Variants in MRPL28 observed in about 807,000 individuals in gnomAD.
MRPL28 encodes large ribosomal subunit protein bL28m.
A neutral mutation model predicts 26.2 loss-of-function variants in MRPL28; 25 were observed. That is an observed-to-expected ratio of 0.95 (90% confidence interval 0.69 to 1.33). The LOEUF (loss-of-function observed/expected upper bound fraction) is 1.33. MRPL28 is among the 40% of genes most tolerant of loss of function. The pLI is 0.00. For synonymous variants in MRPL28, 227 were observed against 140.1 expected, an observed-to-expected ratio of 1.62 and a Z score of -4.38; for missense variants, 432 against 327.2, an observed-to-expected ratio of 1.32 and a Z score of -2.47.
chr16:369,697 A>G (rs1464635668), intron 2 of MRPL28: 2 of 723,328 alleles, frequency 2.8e-6, no homozygotes, highest in Admixed American at 4.1e-5. Flanking sequence ...CCGACTCCCC[A>G]CGGCCTCTGG....
At chr16:369,614 C>CCCCACCTGCTCTGCTCGCCTCT (rs550408810) in intron 2 of MRPL28, 50 of 715,396 alleles carry the variant, frequency 7.0e-5, no homozygotes, top group African/African-American at 1.9e-4. Context: ...TGCTCGCCTC[C>CCCCACCTGCTCTGCTCGCCTCT]CCCACCTGCT....
rs1212324666 is a variant in MRPL28, at chr16:367,207, AAAAAG to A, written c.*463_*467del. On this transcript the variant is annotated 3_prime_UTR_variant, in exon 6 of 6. Transcript: ENST00000199706. ...GTGACTGAGCAAGACTCCGTCTCAA[AAAAAG>A]AAAAGAAAAAAAAACACAAAACACA... Among the ~76,000 whole-genome samples the A allele has an allele frequency of 1.3e-5, 2 of 152,176 alleles. No homozygotes were observed. The highest frequency in any genetic ancestry group is 2.9e-5 in the Non-Finnish European group (2 of 68,020).
Position 368,877 on chromosome 16 carries a change from G to A in MRPL28, c.441+191C>T, listed in dbSNP as rs1001531675. The A allele has an allele frequency of 7.8e-5, 77 of 988,244 alleles. No individual in the cohort carries two copies. In the Admixed American group the frequency reaches 9.9e-4, roughly 13 times the overall value. 61.2% of individuals were successfully genotyped at this position (988,244 alleles called of 1,614,324 possible). A position where few individuals can be genotyped will look rare whatever the true frequency, so the allele number is the denominator to read the frequency against. Reference sequence around the variant, plus strand: ...CGGGCAAGTCAGCCACCCACAGAGCGACAGCCTCTCCTGAAGGCAGGAAAC... The same window carrying A: ...CGGGCAAGTCAGCCACCCACAGAGCAACAGCCTCTCCTGAAGGCAGGAAAC... On this transcript the variant is annotated intron_variant, in intron 3 of 5. Transcript: ENST00000199706.
chr16:369,089 C>T lies in MRPL28; in HGVS notation c.420G>A (p.Gly140=), dbSNP rs751042363. ...TTGCCTTGAGGATGTAAAAGTCGAG[C>T]CCATAAGCCTCATCGATGAGGTCCA... is the stretch of plus-strand genomic sequence containing the variant. ...RTLDLIDEAY[G]LDFYILKTPK... Residue 140 remains glycine, a synonymous_variant, in exon 3 of 6, where the codon GGG becomes GGA. Coordinates refer to ENST00000199706, the MANE Select transcript of MRPL28 (RefSeq NM_006428.5). 1.2e-6 allele frequency: 2 copies of T among 1,613,810 alleles called. No individual in the cohort carries two copies. Among genetic ancestry groups the T allele is most frequent in the Non-Finnish European group, 8.5e-7 (1 of 1,179,898 alleles).
Position 368,849 on chromosome 16 carries a change from C to A in MRPL28, c.442-214G>T, listed in dbSNP as rs1012409768. On this transcript the variant is annotated intron_variant, in intron 3 of 5. Transcript: ENST00000199706. ...AGGGGCGGCTGTGCTCGCTCAGGCC[C>A]CACGGGCAAGTCAGCCACCCACAGA... 4 of 994,980 alleles carry A rather than the reference C, an allele frequency of 4.0e-6. No individual in the cohort carries two copies. In the African/African-American group the frequency reaches 4.9e-5, roughly 12 times the overall value. The allele number at this position is 994,980 out of a possible 1,614,324, so 61.6% of individuals were successfully genotyped here.
Position 367,729 on chromosome 16 carries a change from C to T in MRPL28, c.717G>A (p.Gln239=). The T allele has an allele frequency of 2.5e-6, 4 of 1,613,902 alleles. No homozygotes were observed. The highest frequency in any genetic ancestry group is 3.4e-6 in the Non-Finnish European group (4 of 1,180,032). Residue 239 remains glutamine, a synonymous_variant, in exon 6 of 6, where the codon CAG becomes CAA. Transcript: ENST00000199706. ...IYVAELIQQL[Q]QQALSEPAVV... ...CCGCCGGCTCTGACAGTGCCTGCTG[C>T]TGCAGCTGCTGGATCAGCTCCGCCA...
intron 2 of MRPL28, chr16:369,464 A>G: frequency 6.3e-6 from 4 of 631,074 alleles, no homozygotes; most frequent in Admixed American, 2.5e-5. Context: ...CCCTGGTCAC[A>G]TGGTTGCTGC....
intron 3 of MRPL28, 23 bp downstream of exon 3, chr16:369,045 C>T (rs745649248): frequency 2.5e-6 from 4 of 1,610,556 alleles, no homozygotes; most frequent in South Asian, 2.2e-5. Context: ...CCTGTGTGCA[C>T]TGACTCGCCC....
Position 369,239 on chromosome 16 carries a change from C to T in MRPL28, c.289-19G>A. 6.2e-7 allele frequency: 1 copy of T among 1,612,518 alleles called. No homozygotes were observed. ...TGGAGAGCTGAGGGTGCAACAGAGC[C>T]TCCATGAGTACTGCTGCTTTCTCTT... On this transcript the variant is annotated intron_variant, in intron 2 of 5. Coordinates refer to ENST00000199706, the MANE Select transcript of MRPL28 (RefSeq NM_006428.5).
At position 369,925 on chromosome 16, in the gene MRPL28, A is replaced by T; in HGVS notation, c.288+6T>A. On this transcript the variant is annotated splice_donor_region_variant and intron_variant, in intron 2 of 5. Coordinates refer to ENST00000199706, the MANE Select transcript of MRPL28 (RefSeq NM_006428.5). ...AGGAGCCCCTGAAGGCCGCCTGCGGACCCACCTTGTCGTTGTTGGCATATA... is the reference window on the plus strand; with the variant it reads ...AGGAGCCCCTGAAGGCCGCCTGCGGTCCCACCTTGTCGTTGTTGGCATATA... 6.2e-7 allele frequency: 1 copy of T among 1,606,144 alleles called. No individual in the cohort carries two copies.
rs1206841161 is a variant in MRPL28 at position 369,197 on chromosome 16, C to T, written c.312G>A (p.Val104=). The part of the protein sequence containing the change: ...NDKLSKRLKK[V]WKPQLFEREF... ...CTCGCTCAAACAGCTGTGGCTTCCA[C>T]ACTTTCTTCAGCCTCTTGGAGAGCT... Residue 104 remains valine, a synonymous_variant, in exon 3 of 6, where the codon GTG becomes GTA. Transcript: ENST00000199706. 4.6e-5 allele frequency: 75 copies of T among 1,613,902 alleles called. No homozygotes were observed. Among genetic ancestry groups the T allele is most frequent in the Non-Finnish European group, 6.4e-5 (75 of 1,179,954 alleles).
At chr16:369,365 G>A (rs911256858) in intron 2 of MRPL28, 145 bp from the exon 3 acceptor site, 138 of 1,096,114 alleles carry the variant, frequency 1.3e-4, no homozygotes, top group Middle Eastern at 2.8e-4. Flanking sequence ...TAACTGGGCC[G>A]GCCCCCAGCC....
chr16:367,657 C>G lies in MRPL28; in HGVS notation c.*18G>C, dbSNP rs767618651. 1 of 1,606,684 alleles carries G rather than the reference C, an allele frequency of 6.2e-7. No homozygotes were observed. On this transcript the variant is annotated 3_prime_UTR_variant, in exon 6 of 6. Coordinates refer to ENST00000199706, the MANE Select transcript of MRPL28 (RefSeq NM_006428.5). ...GGGAAAGCTGGGCCTGTTGGTCAGG[C>G]ATGGAGGAGCTGTGTGGTCACTGGC... is the stretch of plus-strand genomic sequence containing the variant.
Position 367,160 on chromosome 16 carries a change from G to A in MRPL28, c.*515C>T, listed in dbSNP as rs1369069363. Among the ~76,000 whole-genome samples the A allele has an allele frequency of 1.3e-5, 2 of 152,112 alleles. No individual in the cohort carries two copies. The highest frequency in any genetic ancestry group is 6.5e-5 in the Admixed American group (1 of 15,272). Reference sequence around the variant, plus strand: ...GTGGAGGTTGTAGTGAGTCCAGATCGTGCCACTGCACTCCAGCCTGGGTGA... The same window carrying A: ...GTGGAGGTTGTAGTGAGTCCAGATCATGCCACTGCACTCCAGCCTGGGTGA... On this transcript the variant is annotated 3_prime_UTR_variant, in exon 6 of 6. Transcript: ENST00000199706.
In MRPL28 at chr16:367,340, A is replaced by G. The variant is rs955050162; in HGVS notation, c.*335T>C. 3 of 632,762 alleles carry G rather than the reference A, an allele frequency of 4.7e-6. No individual in the cohort carries two copies. Among genetic ancestry groups the G allele is most frequent in the Middle Eastern group, 2.5e-4 (1 of 3,976 alleles). The allele number at this position is 632,762 out of a possible 1,614,324, so 39.2% of individuals were successfully genotyped here. On this transcript the variant is annotated 3_prime_UTR_variant, in exon 6 of 6. Transcript: ENST00000199706. ...CAGGGGCAGCAAGGGCAGGGGTGAC[A>G]GGATCAGGATCCCCAAAGAGAACAC...
chr16:367,999 G>A (rs969682767), intron 5 of MRPL28, among the ~76,000 whole-genome samples: 3 of 152,210 alleles, frequency 2.0e-5, no homozygotes, highest in Non-Finnish European at 4.4e-5. Flanking sequence ...TAAACAGAGG[G>A]AATAGGGGCA....
chr16:367,312 T>A lies in MRPL28; in HGVS notation c.*363A>T. 3.3e-6 allele frequency: 2 copies of A among 606,730 alleles called. No homozygotes were observed. The highest frequency in any genetic ancestry group is 6.1e-6 in the Non-Finnish European group (2 of 326,472). The allele number at this position is 606,730 out of a possible 1,614,324, so 37.6% of individuals were successfully genotyped here. A position where few individuals can be genotyped will look rare whatever the true frequency, so the allele number is the denominator to read the frequency against. The stretch of plus-strand genomic sequence containing the variant: ...GTCAATGCCCACGGCTCATCCGAGG[T>A]CTCAGGGGCAGCAAGGGCAGGGGTG... On this transcript the variant is annotated 3_prime_UTR_variant, in exon 6 of 6. Coordinates refer to ENST00000199706, the MANE Select transcript of MRPL28 (RefSeq NM_006428.5).
chr16:367,771 G>A lies in MRPL28; in HGVS notation c.675C>T (p.Pro225=). The A allele has an allele frequency of 6.2e-7, 1 of 1,613,732 alleles. No individual in the cohort carries two copies. The highest frequency in any genetic ancestry group is 1.7e-5 in the Admixed American group (1 of 60,020). Residue 225 remains proline, a synonymous_variant, in exon 6 of 6, where the codon CCC becomes CCT. Coordinates refer to ENST00000199706, the MANE Select transcript of MRPL28 (RefSeq NM_006428.5). The part of the protein sequence containing the change: ...QRLLEEKDPV[P]LFKIYVAELI... ...GCTCCGCCACATAGATCTTGAACAG[G>A]GGTACAGGGTCCTGAAGGAGAGAGG...
At chr16:367,846 G>A (rs1468555580) in intron 5 of MRPL28, 64 bp from the exon 6 acceptor site, 9 of 1,415,508 alleles carry the variant, frequency 6.4e-6, no homozygotes, top group South Asian at 4.7e-5. Context: ...TTCCGACGGG[G>A]ATGGGATCAG....
Sources: gnomAD v4.1 joint callset for allele counts (sites outside exome capture counted in the v4.1 genomes callset) on GRCh38, gnomAD v4.1.1 for gene constraint, MANE v1.5 for transcripts, NCBI Gene and HGNC (gene_info 2026-07-23, HGNC 2026-07-21) for gene names.